NUMB: variants seen among roughly 807,000 people sequenced by gnomAD.
NUMB encodes NUMB endocytic adaptor protein, also known as protein numb homolog.
Under a neutral mutation model 59.7 loss-of-function variants are expected in NUMB, and 29 were observed. That is an observed-to-expected ratio of 0.49 (90% CI 0.36 to 0.66). NUMB has a LOEUF of 0.66. NUMB is among the 30% of genes least tolerant of loss of function. The pLI is 0.00. For synonymous variants in NUMB, 288 were observed against 288.2 expected (o/e 1.00, Z 0.01); for missense variants, 723 against 822.0 (o/e 0.88, Z 1.47).
chr14:73,341,328 G>A (rs562640825), intron 4 of NUMB, among the ~76,000 whole-genome samples: 2 of 152,156 alleles, frequency 1.3e-5, no homozygotes, highest in South Asian at 4.1e-4. Context: ...ACCAACAGTA[G>A]AACTAAAAAT....
At chr14:73,297,808 A>C (rs975337165) in intron 6 of NUMB, 1 of 152,438 alleles carries the variant, frequency 6.6e-6, no homozygotes, top group African/African-American at 2.4e-5. Flanking sequence ...TTAAAAACAC[A>C]GTAAGTCTTC....
intron 1 of NUMB, among the ~76,000 whole-genome samples, chr14:73,443,380 G>C (rs1397588764): frequency 6.6e-6 from 1 of 152,104 alleles, no homozygotes; most frequent in Non-Finnish European, 1.5e-5. Flanking sequence ...TGGATCACTT[G>C]AGGTCAGGAG....
At chr14:73,292,917 T>C in intron 7 of NUMB, 43 bp from the exon 8 acceptor site, 1 of 1,599,988 alleles carries the variant, frequency 6.3e-7, no homozygotes, top group Non-Finnish European at 8.6e-7. Context: ...CTTATGAGGT[T>C]ATCTGAGCTT....
intron 4 of NUMB, among the ~76,000 whole-genome samples, chr14:73,342,612 T>C (rs1892693878): frequency 6.6e-6 from 1 of 152,202 alleles, no homozygotes; most frequent in Non-Finnish European, 1.5e-5. Context: ...TAATTTCTAG[T>C]ATTAAAAATT....
intron 1 of NUMB, among the ~76,000 whole-genome samples, chr14:73,445,264 G>A (rs1392107825): frequency 6.8e-6 from 1 of 147,414 alleles, no homozygotes; most frequent in African/African-American, 2.5e-5. Context: ...TGAGGCAAGA[G>A]GACTGCCTGA....
At chr14:73,374,059 G>A (rs1185642934) in intron 2 of NUMB, among the ~76,000 whole-genome samples, 1 of 152,076 alleles carries the variant, frequency 6.6e-6, no homozygotes, top group Non-Finnish European at 1.5e-5. Context: ...AGTAGATACG[G>A]GGTTTCACCA....
intron 6 of NUMB, 51 bp downstream of exon 6, chr14:73,316,339 C>A: frequency 6.6e-7 from 1 of 1,522,044 alleles, no homozygotes; most frequent in Non-Finnish European, 9.1e-7. Context: ...CAGTGCTACA[C>A]TAGGGGTGTA....
chr14:73,381,269 T>C (rs1177960438), intron 2 of NUMB, among the ~76,000 whole-genome samples: 1 of 151,904 alleles, frequency 6.6e-6, no homozygotes, highest in Non-Finnish European at 1.5e-5. Flanking sequence ...AATAAATAAC[T>C]AGATAAATCT....
At chr14:73,353,872 A>AC (rs1893618758) in intron 4 of NUMB, among the ~76,000 whole-genome samples, 2 of 152,022 alleles carry the variant, frequency 1.3e-5, no homozygotes, top group African/African-American at 4.8e-5. Flanking sequence ...GGGAGATAAC[A>AC]GAAAAAAAAA....
intron 1 of NUMB, among the ~76,000 whole-genome samples, chr14:73,438,713 G>A (rs1204974442): frequency 6.7e-6 from 1 of 149,768 alleles, no homozygotes. Context: ...TTAAAAAGCA[G>A]CCTCCAAAAT....
chr14:73,299,581 T>TATAG (rs1163013529), intron 6 of NUMB, among the ~76,000 whole-genome samples: 2 of 130,186 alleles, frequency 1.5e-5, no homozygotes, highest in Admixed American at 1.5e-4. Context: ...TGACATGACA[T>TATAG]ATGTCATGTC....
intron 12 of NUMB, 21 bp downstream of exon 12, chr14:73,279,260 C>T: frequency 6.2e-7 from 1 of 1,614,106 alleles, no homozygotes; most frequent in Non-Finnish European, 8.5e-7. Flanking sequence ...GAATCCTCAA[C>T]ACCATCTGTG....
Position 73,402,134 on chromosome 14 carries a change from A to G in NUMB, c.-101+7803T>C, listed in dbSNP as rs142599266. On this transcript the variant is annotated intron_variant, in intron 2 of 12. Transcript: ENST00000555238. ...CTCTGCCTCAGCCTCCCAAAGTGCTAGGATTACAGGAGTGAGCCACTGCAC... is the reference window on the plus strand; with the variant it reads ...CTCTGCCTCAGCCTCCCAAAGTGCTGGGATTACAGGAGTGAGCCACTGCAC... Among the ~76,000 whole-genome samples the G allele has an allele frequency of 6.2e-4, 95 of 152,258 alleles. 1 individual carries two copies. The highest frequency in any genetic ancestry group is 9.1e-4 in the African/African-American group (38 of 41,556).
intron 6 of NUMB, among the ~76,000 whole-genome samples, chr14:73,302,172 T>C (rs1037221435): frequency 6.6e-6 from 1 of 152,182 alleles, no homozygotes; most frequent in African/African-American, 2.4e-5. Context: ...TAAGGAATCA[T>C]ATTTGTCATA....
intron 4 of NUMB, among the ~76,000 whole-genome samples, chr14:73,329,107 A>T (rs1891816759): frequency 6.6e-6 from 1 of 152,188 alleles, no homozygotes; most frequent in South Asian, 2.1e-4. Context: ...ACCTCAGGTG[A>T]TCCACCCGCC....
intron 1 of NUMB, among the ~76,000 whole-genome samples, chr14:73,451,129 G>A (rs1376537603): frequency 7.0e-6 from 1 of 143,804 alleles, no homozygotes; most frequent in Non-Finnish European, 1.5e-5. Flanking sequence ...ACTCTATCCT[G>A]GGCGACAGAG....
intron 8 of NUMB, among the ~76,000 whole-genome samples, chr14:73,291,470 C>T (rs1388728458): frequency 1.3e-5 from 2 of 151,818 alleles, no homozygotes; most frequent in African/African-American, 4.8e-5. Context: ...CCTCTGCCTC[C>T]GAGTTCAAGC....
intron 6 of NUMB, chr14:73,297,698 A>G (rs1889869806): frequency 6.2e-6 from 1 of 160,860 alleles, no homozygotes; most frequent in Non-Finnish European, 1.4e-5. Flanking sequence ...GTGTATTTAG[A>G]GCAGGAAGTA....
At chr14:73,398,212 G>C (rs1178294049) in intron 2 of NUMB, among the ~76,000 whole-genome samples, 1 of 151,988 alleles carries the variant, frequency 6.6e-6, no homozygotes, top group Non-Finnish European at 1.5e-5. Context: ...TCCCACAATA[G>C]AAGATTAAAT....
Sources: allele counts gnomAD v4.1 joint callset (sites outside exome capture counted in the v4.1 genomes callset), GRCh38; gene constraint gnomAD v4.1.1; transcripts MANE v1.5; gene names NCBI Gene and HGNC (gene_info 2026-07-23, HGNC 2026-07-21).